Variants in GALNT17 observed in about 807,000 individuals in gnomAD.
GALNT17 encodes the protein polypeptide N-acetylgalactosaminyltransferase 17.
GALNT17 carries 29 observed loss-of-function variants against 63.7 expected under a neutral mutation model. That is an observed-to-expected ratio of 0.46 (90% CI 0.34 to 0.62). The LOEUF (loss-of-function observed/expected upper bound fraction) is 0.62. GALNT17 is among the 20% of genes least tolerant of loss of function. GALNT17 has a pLI of 0.01. For synonymous variants in GALNT17, 305 were observed against 318.3 expected (o/e 0.96, Z 0.45); for missense variants, 603 against 799.6 (o/e 0.75, Z 2.97).
intron 1 of GALNT17, among the ~76,000 whole-genome samples, chr7:71,185,562 GCC>G (rs1172436870): frequency 7.7e-6 from 1 of 129,908 alleles, no homozygotes; most frequent in Non-Finnish European, 1.6e-5. Flanking sequence ...TGGCTCTGTC[GCC>G]CAGGCTGGAG....
At chr7:71,516,166 T>A (rs557003088) in intron 5 of GALNT17, among the ~76,000 whole-genome samples, 1 of 152,224 alleles carries the variant, frequency 6.6e-6, no homozygotes, top group East Asian at 1.9e-4. Context: ...AAGGTAGGAT[T>A]TTAATTTATG....
At chr7:71,431,408 C>G (rs2116488012) in intron 5 of GALNT17, among the ~76,000 whole-genome samples, 1 of 151,950 alleles carries the variant, frequency 6.6e-6, no homozygotes, top group Admixed American at 6.6e-5. Flanking sequence ...ATGGGTTTTG[C>G]CATGTTGGTC....
intron 1 of GALNT17, among the ~76,000 whole-genome samples, chr7:71,241,616 A>C (rs973247193): frequency 6.6e-6 from 1 of 152,158 alleles, no homozygotes; most frequent in Non-Finnish European, 1.5e-5. Flanking sequence ...GGCTGGGTGC[A>C]GTGTCTCATG....
At chr7:71,330,135 C>T (rs536737090) in intron 1 of GALNT17, among the ~76,000 whole-genome samples, 59 of 152,058 alleles carry the variant, frequency 3.9e-4, no homozygotes, top group African/African-American at 1.3e-3. Context: ...GCCTCAACCT[C>T]ACAAGTAGCT....
At chr7:71,321,922 C>CCCCT (rs1158843204) in intron 1 of GALNT17, among the ~76,000 whole-genome samples, 4 of 28,474 alleles carry the variant, frequency 1.4e-4, no homozygotes, top group African/African-American at 5.7e-4. Context: ...TTCCTTCCTT[C>CCCCT]CCCTCCCTCC....
At chr7:71,317,118 C>T (rs1381161333) in intron 1 of GALNT17, among the ~76,000 whole-genome samples, 2 of 152,242 alleles carry the variant, frequency 1.3e-5, no homozygotes, top group East Asian at 1.9e-4. Context: ...GAGACAGGGC[C>T]GTATGTTTCT....
intron 7 of GALNT17, among the ~76,000 whole-genome samples, chr7:71,666,470 A>C (rs941810777): frequency 2.6e-5 from 4 of 151,796 alleles, no homozygotes; most frequent in Non-Finnish European, 5.9e-5. Flanking sequence ...TAAGTTCTTT[A>C]GTGGTGATTT....
intron 6 of GALNT17, among the ~76,000 whole-genome samples, chr7:71,637,547 T>A (rs889261109): frequency 2.3e-4 from 35 of 150,042 alleles, no homozygotes; most frequent in Admixed American, 1.1e-3. Context: ...ATAGGTTTAG[T>A]GGGAGTAAGT....
chr7:71,458,851 TC>T (rs1310535003), intron 5 of GALNT17, among the ~76,000 whole-genome samples: 1 of 151,950 alleles, frequency 6.6e-6, no homozygotes, highest in East Asian at 1.9e-4. Context: ...GTTCGTCTGC[TC>T]CGGGAGCTGG....
chr7:71,415,492 C>T (rs1487347374), intron 3 of GALNT17, among the ~76,000 whole-genome samples: 3 of 152,056 alleles, frequency 2.0e-5, no homozygotes, highest in African/African-American at 4.8e-5. Flanking sequence ...TCCCAAGGCA[C>T]GTACTGTAAG....
At chr7:71,490,903 A>G (rs1401115531) in intron 5 of GALNT17, among the ~76,000 whole-genome samples, 1 of 152,110 alleles carries the variant, frequency 6.6e-6, no homozygotes, top group Admixed American at 6.6e-5. Context: ...CTTTAAAAAA[A>G]GGAAAAATGA....
chr7:71,611,793 G>C (rs963628627), intron 6 of GALNT17, among the ~76,000 whole-genome samples: 6 of 152,028 alleles, frequency 3.9e-5, no homozygotes, highest in African/African-American at 1.2e-4. Flanking sequence ...CGGATGCCCT[G>C]ATGTTGCAAA....
Position 71,431,801 on chromosome 7 carries a change from T to C in GALNT17, c.962+10696T>C, listed in dbSNP as rs561420111. Among the ~76,000 whole-genome samples the C allele has an allele frequency of 2.0e-5, 3 of 152,294 alleles. No individual in the cohort carries two copies. In the East Asian group the frequency reaches 5.8e-4, roughly 29 times the overall value. Reference sequence around the variant, plus strand: ...TCTTAAAGCCCACTGTCATGTTTCATGATTCACCAGGAGAACTCTCGAAAC... The same window carrying C: ...TCTTAAAGCCCACTGTCATGTTTCACGATTCACCAGGAGAACTCTCGAAAC... On this transcript the variant is annotated intron_variant, in intron 5 of 10. Transcript: ENST00000333538.
intron 6 of GALNT17, among the ~76,000 whole-genome samples, chr7:71,657,786 C>T (rs1010644114): frequency 1.6e-4 from 25 of 152,284 alleles, no homozygotes; most frequent in Middle Eastern, 3.4e-3. Context: ...TCAACTTCAT[C>T]CCTGGGGAAT....
chr7:71,504,280 C>G (rs2116708227), intron 5 of GALNT17, among the ~76,000 whole-genome samples: 1 of 151,228 alleles, frequency 6.6e-6, no homozygotes, highest in South Asian at 2.1e-4. Flanking sequence ...GTAATCCCAG[C>G]TACTCTCGGG....
At chr7:71,614,712 GA>G (rs913412657) in intron 6 of GALNT17, among the ~76,000 whole-genome samples, 5 of 149,082 alleles carry the variant, frequency 3.4e-5, no homozygotes, top group Admixed American at 6.7e-5. Context: ...AAAGAGAAAG[GA>G]AAAAAAGAAA....
At chr7:71,633,025 A>AT (rs1790474037) in intron 6 of GALNT17, among the ~76,000 whole-genome samples, 1 of 145,854 alleles carries the variant, frequency 6.9e-6, no homozygotes, top group African/African-American at 2.6e-5. Context: ...AATCGCTTGA[A>AT]CCCGGGAGTG....
intron 5 of GALNT17, among the ~76,000 whole-genome samples, chr7:71,554,152 A>G (rs188267611): frequency 6.6e-6 from 1 of 152,028 alleles, no homozygotes; most frequent in Non-Finnish European, 1.5e-5. Context: ...GCTTCCTGAT[A>G]TGGTTTGGTT....
chr7:71,713,250 G>C lies in GALNT17; in HGVS notation c.*1104G>C, dbSNP rs549825621. 2 of 153,370 alleles carry C rather than the reference G, an allele frequency of 1.3e-5. No homozygotes were observed. The highest frequency in any genetic ancestry group is 4.8e-5 in the African/African-American group (2 of 41,490). 9.5% of individuals were successfully genotyped at this position (153,370 alleles called of 1,614,324 possible). ...TGTGTCTGGCTGTGCGTTCCGGAGTGTGTGACGATGCTGACCTAGCTGTGT... is the reference window on the plus strand; with the variant it reads ...TGTGTCTGGCTGTGCGTTCCGGAGTCTGTGACGATGCTGACCTAGCTGTGT... On this transcript the variant is annotated 3_prime_UTR_variant, in exon 11 of 11. Coordinates refer to ENST00000333538, the MANE Select transcript of GALNT17 (RefSeq NM_022479.3).
Sources: gnomAD v4.1 joint callset for allele counts (sites outside exome capture counted in the v4.1 genomes callset) on GRCh38, gnomAD v4.1.1 for gene constraint, MANE v1.5 for transcripts, NCBI Gene and HGNC (gene_info 2026-07-23, HGNC 2026-07-21) for gene names.